Variants in EBF4 observed in about 807,000 individuals in gnomAD.
EBF4 encodes transcription factor COE4.
A neutral mutation model predicts 67.1 loss-of-function variants in EBF4; 34 were observed. The observed-to-expected ratio is 0.51, with a 90% confidence interval of 0.39 to 0.67. The LOEUF is 0.67. Among genes scored for constraint, EBF4 ranks in the 30% least tolerant of loss-of-function variants. EBF4 has a pLI of 0.00. For missense variants in EBF4, 837 were observed against 873.3 expected (o/e 0.96, Z 0.52); for synonymous variants, 387 against 377.7 (o/e 1.02, Z -0.29).
intron 15 of EBF4, chr20:2,758,701 AGCAAGG>A (rs1233670966): frequency 1.7e-6 from 1 of 600,462 alleles, no homozygotes. Flanking sequence ...GGAGGTAGGG[AGCAAGG>A]GCGTGGGCTG....
intron 6 of EBF4, among the ~76,000 whole-genome samples, chr20:2,721,579 C>T (rs1318087544): frequency 2.0e-5 from 3 of 152,014 alleles, no homozygotes; most frequent in Non-Finnish European, 4.4e-5. Flanking sequence ...CTCAGCCTCC[C>T]GAGTAACTGG....
Position 2,751,975 on chromosome 20 carries a change from C to T in EBF4, c.1161C>T (p.Pro387=), listed in dbSNP as rs1330215972. The change falls in exon 12 of 17, where the codon CCC becomes CCT. Residue 387 remains proline (P), a synonymous_variant. Coordinates refer to ENST00000609451, the Ensembl canonical transcript of EBF4. The surrounding 1 kb of genome is among the most constrained non-coding windows in gnomAD (Gnocchi z 5.2). ...TGGCAGAAGCCCTGTACGGAGTGCC[C>T]GGCAGTAACCAGGTATGGCGCCTCC... is the stretch of plus-strand genomic sequence containing the variant. 6 of 1,548,218 alleles carry T rather than the reference C, an allele frequency of 3.9e-6. No homozygotes were observed. Among genetic ancestry groups the T allele is most frequent in the African/African-American group, 2.7e-5 (2 of 72,968 alleles).
At position 2,695,321 on chromosome 20, in the gene EBF4, C is replaced by T. The variant is rs553520640; in HGVS notation, c.137+1539C>T. Among the ~76,000 whole-genome samples, 140 of 152,238 alleles carry T rather than the reference C, an allele frequency of 9.2e-4. 3 individuals carry two copies. The South Asian group carries it at 0.015, about 16-fold the overall frequency. On this transcript the variant is annotated intron_variant, in intron 1 of 16. Coordinates refer to ENST00000609451, the Ensembl canonical transcript of EBF4. ...GCAGGTCTGATGAAGGGGAAGCAGACGTGAAGGAGGCAGTGCCCTTGGAGA... is the reference window on the plus strand; with the variant it reads ...GCAGGTCTGATGAAGGGGAAGCAGATGTGAAGGAGGCAGTGCCCTTGGAGA...
intron 6 of EBF4, among the ~76,000 whole-genome samples, chr20:2,741,251 G>C (rs2087963899): frequency 1.3e-5 from 2 of 152,092 alleles, no homozygotes; most frequent in Non-Finnish European, 2.9e-5. Context: ...GGTCAAGGCT[G>C]CAGTGAGCCA....
rs2087934217 is a variant in EBF4, at chr20:2,739,249, C to G, written c.558-9300C>G. ...GTCCCGCATGATTTGGTCCCAACCC[C>G]AGGCCCCAAGCCACGCTGCCCTCCT... On this transcript the variant is annotated intron_variant, in intron 6 of 16. Coordinates refer to ENST00000609451, the Ensembl canonical transcript of EBF4. The surrounding 1 kb of genome is among the most constrained non-coding windows in gnomAD (Gnocchi z 4.5). Among the ~76,000 whole-genome samples, 1 of 152,138 alleles carries G rather than the reference C, an allele frequency of 6.6e-6. No homozygotes were observed. Among genetic ancestry groups the G allele is most frequent in the African/African-American group, 2.4e-5 (1 of 41,426 alleles).
rs1368570811 is a variant in EBF4 at position 2,751,758 on chromosome 20, A to G, written c.1077A>G (p.Arg359=). The G allele has an allele frequency of 1.3e-6, 2 of 1,510,972 alleles. No homozygotes were observed. Among genetic ancestry groups the G allele is most frequent in the South Asian group, 2.4e-5 (2 of 83,188 alleles). The allele number at this position is 1,510,972 out of a possible 1,614,324, so 93.6% of individuals were successfully genotyped here. ...AGAGGCTACAGAAAGTCATTCCCAG[A>G]CACCCCGGAGACCCCGAGAGGCTGC... Residue 359 remains arginine, a synonymous_variant, in exon 11 of 17, where the codon AGA becomes AGG. Coordinates refer to ENST00000609451, the Ensembl canonical transcript of EBF4. The surrounding 1 kb of genome is among the most constrained non-coding windows in gnomAD (Gnocchi z 5.2).
chr20:2,725,056 A>G (rs1457853579), intron 6 of EBF4, among the ~76,000 whole-genome samples: 16 of 152,362 alleles, frequency 1.1e-4, no homozygotes, highest in African/African-American at 3.6e-4. Context: ...AATTCTGCTT[A>G]GAATGTGTTG....
chr20:2,737,215 A>G (rs763058543), intron 6 of EBF4, among the ~76,000 whole-genome samples: 1 of 146,754 alleles, frequency 6.8e-6, no homozygotes, highest in African/African-American at 2.5e-5. Flanking sequence ...GCGCCACTGC[A>G]CTCCAGCTTG....
rs1179645034 is a variant in EBF4 at position 2,696,556 on chromosome 20, A to G, written c.137+2774A>G. 1.3e-5 allele frequency among the ~76,000 whole-genome samples: 2 copies of G among 152,160 alleles called. No homozygotes were observed. Among genetic ancestry groups the G allele is most frequent in the African/African-American group, 2.4e-5 (1 of 41,422 alleles). On this transcript the variant is annotated intron_variant, in intron 1 of 16. Transcript: ENST00000609451. This position sits in a 1 kb window ranked among gnomAD's most constrained non-coding sequence, Gnocchi z 4.7. ...CACTGCTTCCTCATGGATATCTCCA[A>G]CATTCAAGGCCTATCATGGTCTGAC...
intron 6 of EBF4, 77 bp from the exon 7 acceptor site, chr20:2,748,472 C>A: frequency 7.3e-7 from 1 of 1,366,102 alleles, no homozygotes; most frequent in Non-Finnish European, 1.0e-6. Flanking sequence ...GGGGAGGGGG[C>A]ATGGCAGGGA....
intron 1 of EBF4, among the ~76,000 whole-genome samples, chr20:2,694,357 G>T (rs2087257970): frequency 1.3e-5 from 2 of 152,184 alleles, no homozygotes; most frequent in Non-Finnish European, 2.9e-5. Context: ...CAGGGCCCCT[G>T]CCTTTCCCTC....
At chr20:2,749,418 G>C (rs1309253032) in exon 8 of EBF4, 5 of 1,543,666 alleles carry the variant, frequency 3.2e-6, no homozygotes, top group Non-Finnish European at 4.4e-6. Context: ...TGTCCACGAC[G>C]GTGAGCGTGG....
chr20:2,734,926 T>C (rs2087858125), intron 6 of EBF4, among the ~76,000 whole-genome samples: 2 of 152,222 alleles, frequency 1.3e-5, no homozygotes, highest in Admixed American at 6.5e-5. Flanking sequence ...CATGCCTTTT[T>C]TGGGCATGTG....
At chr20:2,721,961 T>G (rs750484514) in intron 6 of EBF4, among the ~76,000 whole-genome samples, 1 of 152,204 alleles carries the variant, frequency 6.6e-6, no homozygotes, top group Non-Finnish European at 1.5e-5. Context: ...TCTTGTTGGG[T>G]AGTAGATATT....
At chr20:2,706,398 AGTTCCCACCCCAGCCTGTGCC>A (rs1208042658) in intron 4 of EBF4, 134 bp downstream of exon 4, 1 of 1,012,866 alleles carries the variant, frequency 9.9e-7, no homozygotes, top group Non-Finnish European at 1.5e-6. Context: ...TAGCTCCCCC[AGTTCCCACCCCAGCCTGTGCC>A]GGAGGGTGTG....
intron 1 of EBF4, among the ~76,000 whole-genome samples, chr20:2,695,574 A>G (rs1568563580): frequency 6.6e-6 from 1 of 152,188 alleles, no homozygotes; most frequent in Non-Finnish European, 1.5e-5. Flanking sequence ...GTCTCAGGAC[A>G]TAGACTAGGA....
At chr20:2,701,417 G>A (rs1390389527) in intron 1 of EBF4, among the ~76,000 whole-genome samples, 1 of 152,220 alleles carries the variant, frequency 6.6e-6, no homozygotes, top group Non-Finnish European at 1.5e-5. Flanking sequence ...CCCTCCTGCA[G>A]GGATGCTGAG....
rs538665869 is a variant in EBF4, at chr20:2,701,913, C to A, written c.138-3664C>A. ...AGGAGGGAGGAGCTCAGGGTTGAGG[C>A]CTCATTAGCATATTCATCAACAGTA... is the stretch of plus-strand genomic sequence containing the variant. On this transcript the variant is annotated intron_variant, in intron 1 of 16. Transcript: ENST00000609451. Among the ~76,000 whole-genome samples, 14 of 152,290 alleles carry A rather than the reference C, an allele frequency of 9.2e-5. No homozygotes were observed. In the South Asian group the frequency reaches 2.9e-3, roughly 32 times the overall value.
rs532450759 is a variant in EBF4 at position 2,757,907 on chromosome 20, A to G, written c.1739-1002A>G. ...GGCTGCAGTAAGCTGAGATTGCACC[A>G]TTGCACTCCAGTCTGTCTAGCCTGG... is the stretch of plus-strand genomic sequence containing the variant. On this transcript the variant is annotated intron_variant, in intron 15 of 16. Transcript: ENST00000609451. Among the ~76,000 whole-genome samples, 7 of 152,336 alleles carry G rather than the reference A, an allele frequency of 4.6e-5. No individual in the cohort carries two copies. In the East Asian group the frequency reaches 1.4e-3, roughly 29 times the overall value.
Sources: allele counts gnomAD v4.1 joint callset (sites outside exome capture counted in the v4.1 genomes callset), GRCh38; gene constraint gnomAD v4.1.1; non-coding constraint Gnocchi (gnomAD v3.1); transcripts MANE v1.5; gene names NCBI Gene and HGNC (gene_info 2026-07-23, HGNC 2026-07-21).